Variants in CPEB4 observed in about 807,000 individuals in gnomAD.
CPEB4 encodes cytoplasmic polyadenylation element binding protein 4, also known as cytoplasmic polyadenylation element-binding protein 4.
CPEB4 carries 12 observed loss-of-function variants against 72.5 expected under a neutral mutation model. The observed-to-expected ratio is 0.17, with a 90% CI of 0.11 to 0.27. CPEB4 has a LOEUF of 0.27. Among genes scored for constraint, CPEB4 ranks in the 10% least tolerant of loss-of-function variants. The pLI, the probability that CPEB4 is intolerant of heterozygous loss-of-function variation, is 1.00. For missense variants in CPEB4, 614 were observed against 908.5 expected, an observed-to-expected ratio of 0.68 and a Z score of 4.17; for synonymous variants, 302 against 326.3, an observed-to-expected ratio of 0.93 and a Z score of 0.80.
At chr5:173,896,670 C>CAT (rs1054304118) in intron 1 of CPEB4, among the ~76,000 whole-genome samples, 2 of 152,106 alleles carry the variant, frequency 1.3e-5, no homozygotes, top group Non-Finnish European at 2.9e-5. Flanking sequence ...AAATAAAATG[C>CAT]ATATATAAAG....
rs1470704486 is a variant in CPEB4 at position 173,950,776 on chromosome 5, T to C, written c.1665+698T>C. 6.6e-6 allele frequency among the ~76,000 whole-genome samples: 1 copy of C among 152,198 alleles called. No homozygotes were observed. Among genetic ancestry groups the C allele is most frequent in the African/African-American group, 2.4e-5 (1 of 41,434 alleles). On this transcript the variant is annotated intron_variant, in intron 7 of 9. Transcript: ENST00000265085. This position sits in a 1 kb window ranked among gnomAD's most constrained non-coding sequence, Gnocchi z 5.0. Reference sequence around the variant, plus strand: ...TGAAGATTTTACCCAATATTATCCTTAACTTTATATATGGTACTCTCCAAA... The same window carrying C: ...TGAAGATTTTACCCAATATTATCCTCAACTTTATATATGGTACTCTCCAAA...
chr5:173,941,396 A>G (rs1217804750), intron 3 of CPEB4, among the ~76,000 whole-genome samples: 2 of 152,198 alleles, frequency 1.3e-5, no homozygotes, highest in African/African-American at 4.8e-5. Context: ...CATTTGCTCA[A>G]ATACTTTGGT....
chr5:173,910,572 A>T lies in CPEB4; in HGVS notation c.1175A>T (p.Asp392Val). The T allele has an allele frequency of 6.2e-7, 1 of 1,612,054 alleles. No individual in the cohort carries two copies. The highest frequency in any genetic ancestry group is 8.5e-7 in the Non-Finnish European group (1 of 1,178,132). The change falls in exon 2 of 10, where the codon GAC becomes GTC. Residue 392 changes from aspartate to valine, a missense_variant. Transcript: ENST00000265085. Reference sequence around the variant, plus strand: ...CACTCACTGGAGAGTTCACTCATTGACATAATGAGAGCTGAAAATGATACC... The same window carrying T: ...CACTCACTGGAGAGTTCACTCATTGTCATAATGAGAGCTGAAAATGATACC... ...DMHSLESSLI[D>V]IMRAENDTIK...
chr5:173,912,041 AT>A (rs79561556), intron 2 of CPEB4, among the ~76,000 whole-genome samples: 17,404 of 152,220 alleles, frequency 0.11, 1,900 homozygotes, highest in East Asian at 0.52. Context: ...TGTGTAAAAA[AT>A]AGGCATCCAT....
At chr5:173,916,485 G>A (rs1342067819) in intron 2 of CPEB4, among the ~76,000 whole-genome samples, 5 of 152,166 alleles carry the variant, frequency 3.3e-5, no homozygotes, top group African/African-American at 1.2e-4. Flanking sequence ...ACTGCCTCAC[G>A]TGTTTCATGC....
intron 1 of CPEB4, among the ~76,000 whole-genome samples, chr5:173,909,608 CA>C (rs1304113813): frequency 1.3e-5 from 2 of 151,598 alleles, no homozygotes; most frequent in East Asian, 3.9e-4. Flanking sequence ...GTTTTAAAAA[CA>C]AATCTTCAGA....
intron 2 of CPEB4, among the ~76,000 whole-genome samples, chr5:173,920,450 T>A (rs1430148620): frequency 6.6e-6 from 1 of 152,252 alleles, no homozygotes; most frequent in African/African-American, 2.4e-5. Context: ...ATAATAAATG[T>A]CTGGCATGGT....
chr5:173,930,355 C>T (rs558228391), intron 2 of CPEB4, among the ~76,000 whole-genome samples: 11 of 152,256 alleles, frequency 7.2e-5, no homozygotes, highest in African/African-American at 2.4e-4. Flanking sequence ...CGCACTTGGC[C>T]CTCCATCCCC....
Position 173,888,661 on chromosome 5 carries a change from A to C in CPEB4, c.-1073A>C. 1 of 400,406 alleles carries C rather than the reference A, an allele frequency of 2.5e-6. No homozygotes were observed. The highest frequency in any genetic ancestry group is 4.4e-6 in the Non-Finnish European group (1 of 226,740). 24.8% of individuals were successfully genotyped at this position (400,406 alleles called of 1,614,324 possible). A position where few individuals can be genotyped will look rare whatever the true frequency, so the allele number is the denominator to read the frequency against. Reference sequence around the variant, plus strand: ...AGGGGGGAGGCCCTTCTCCTTTAAAATAACTACGGTAGTGGGTTTTTCCTT... The same window carrying C: ...AGGGGGGAGGCCCTTCTCCTTTAAACTAACTACGGTAGTGGGTTTTTCCTT... On this transcript the variant is annotated 5_prime_UTR_variant, in exon 1 of 10. Transcript: ENST00000265085. The surrounding 1 kb of genome is among the most constrained non-coding windows in gnomAD (Gnocchi z 4.3).
At chr5:173,947,568 C>T (rs1758069457) in intron 5 of CPEB4, among the ~76,000 whole-genome samples, 1 of 152,012 alleles carries the variant, frequency 6.6e-6, no homozygotes, top group Non-Finnish European at 1.5e-5. Flanking sequence ...CTAGGTTTCT[C>T]CCTGCAAAAA....
chr5:173,921,107 A>G (rs1164315260), intron 2 of CPEB4, among the ~76,000 whole-genome samples: 3 of 152,166 alleles, frequency 2.0e-5, no homozygotes, highest in Non-Finnish European at 4.4e-5. Flanking sequence ...TATCTTCCAA[A>G]AGCATGTGGA....
intron 2 of CPEB4, among the ~76,000 whole-genome samples, chr5:173,923,390 C>A (rs1010118606): frequency 2.0e-5 from 3 of 152,132 alleles, no homozygotes; most frequent in Non-Finnish European, 4.4e-5. Flanking sequence ...TCTCTTATCT[C>A]TAAAGTTCTC....
At chr5:173,933,940 T>C (rs1168247063) in intron 3 of CPEB4, among the ~76,000 whole-genome samples, 2 of 152,222 alleles carry the variant, frequency 1.3e-5, no homozygotes, top group Non-Finnish European at 2.9e-5. Context: ...CCCAGCACTT[T>C]GGGAGACTAA....
rs1438592549 is a variant in CPEB4, at chr5:173,890,755, A to G, written c.1022A>G (p.Asn341Ser). 2 of 1,614,070 alleles carry G rather than the reference A, an allele frequency of 1.2e-6. No homozygotes were observed. Among genetic ancestry groups the G allele is most frequent in the East Asian group, 4.5e-5 (2 of 44,888 alleles). ...CCTTTGAAGAAAAATTTTGCAAGCAATCATATTCAGCTCCAGAAGTATGCT... is the reference window on the plus strand; with the variant it reads ...CCTTTGAAGAAAAATTTTGCAAGCAGTCATATTCAGCTCCAGAAGTATGCT... The part of the protein sequence containing the change: ...ISPLKKNFAS[N>S]HIQLQKYARP... Residue 341 changes from asparagine (N) to serine (S), a missense_variant, in exon 1 of 10, where the codon AAT becomes AGT. Transcript: ENST00000265085.
chr5:173,949,456 A>C, intron 5 of CPEB4, 52 bp from the exon 6 acceptor site: 1 of 1,364,864 alleles, frequency 7.3e-7, no homozygotes, highest in Non-Finnish European at 1.0e-6. Flanking sequence ...AAACTTTCAA[A>C]AAATGATCAT....
intron 1 of CPEB4, among the ~76,000 whole-genome samples, chr5:173,894,874 T>C (rs1755949367): frequency 1.3e-5 from 2 of 151,952 alleles, no homozygotes; most frequent in African/African-American, 4.8e-5. Flanking sequence ...AGGAAAAAAT[T>C]TTACAGTGAT....
In CPEB4 at chr5:173,890,179, C is replaced by T. The variant is rs1304488451; in HGVS notation, c.446C>T (p.Thr149Ile). The change falls in exon 1 of 10, where the codon ACT becomes ATT. Residue 149 changes from threonine to isoleucine, a missense_variant. Thr to Ile is a moderately conservative substitution (Grantham distance 89). Transcript: ENST00000265085. ...VLTGFDYQEA[T>I]GLGTSTQPLT... ...ACAGGGTTTGATTATCAAGAAGCCA[C>T]TGGGCTAGGTACTTCAACCCAACCC... The T allele has an allele frequency of 6.2e-7, 1 of 1,614,188 alleles. No individual in the cohort carries two copies. Among genetic ancestry groups the T allele is most frequent in the Non-Finnish European group, 8.5e-7 (1 of 1,180,018 alleles).
intron 1 of CPEB4, among the ~76,000 whole-genome samples, chr5:173,909,243 T>A (rs558636308): frequency 6.6e-6 from 1 of 152,206 alleles, no homozygotes; most frequent in Non-Finnish European, 1.5e-5. Flanking sequence ...AAATAAGAAT[T>A]GAGATTTTGT....
intron 1 of CPEB4, among the ~76,000 whole-genome samples, chr5:173,906,740 T>G (rs1323201911): frequency 6.6e-6 from 1 of 152,212 alleles, no homozygotes; most frequent in African/African-American, 2.4e-5. Flanking sequence ...AGGAAAAAAT[T>G]AGTATCATTA....
Sources: allele counts gnomAD v4.1 joint callset (sites outside exome capture counted in the v4.1 genomes callset), GRCh38; gene constraint gnomAD v4.1.1; non-coding constraint Gnocchi (gnomAD v3.1); transcripts MANE v1.5; gene names NCBI Gene and HGNC (gene_info 2026-07-23, HGNC 2026-07-21).